VWA2: variants seen among roughly 807,000 people sequenced by gnomAD.
VWA2 encodes the protein von Willebrand factor A domain-containing protein 2.
VWA2 carries 73 observed loss-of-function variants against 70.4 expected under a neutral mutation model. That is an observed-to-expected ratio of 1.04 (90% CI 0.86 to 1.26). The LOEUF (loss-of-function observed/expected upper bound fraction) is 1.26, where lower values mean the gene tolerates loss of function less well. VWA2 is among the 50% of genes most tolerant of loss of function. The probability of loss-of-function intolerance (pLI) is 0.00; values close to 1 mark genes in which losing one functional copy is unlikely to be tolerated. For synonymous variants in VWA2, 407 were observed against 423.3 expected, an observed-to-expected ratio of 0.96 and a Z score of 0.47; for missense variants, 1,011 against 998.5, an observed-to-expected ratio of 1.01 and a Z score of -0.17.
At chr10:114,283,775 C>T (rs1345935056) in intron 9 of VWA2, among the ~76,000 whole-genome samples, 2 of 152,252 alleles carry the variant, frequency 1.3e-5, no homozygotes, top group African/African-American at 2.4e-5. Flanking sequence ...CCACTGTCGT[C>T]GATCTCAGTG....
At chr10:114,283,161 T>G (rs1423843575) in intron 9 of VWA2, among the ~76,000 whole-genome samples, 1 of 152,212 alleles carries the variant, frequency 6.6e-6, no homozygotes, top group Non-Finnish European at 1.5e-5. Flanking sequence ...AGCTTGAAAT[T>G]GCCCTTCAAT....
intron 1 of VWA2, among the ~76,000 whole-genome samples, chr10:114,242,043 C>T (rs561988173): frequency 5.2e-4 from 79 of 152,146 alleles, no homozygotes; most frequent in African/African-American, 1.8e-3. Context: ...TGTGACCTTT[C>T]GTCTTCTAAA....
intron 5 of VWA2, among the ~76,000 whole-genome samples, chr10:114,266,253 C>T (rs112765355): frequency 7.4e-4 from 112 of 151,904 alleles, no homozygotes; most frequent in African/African-American, 2.1e-3. Flanking sequence ...GCCGAGATCG[C>T]GCCACTGCAC....
intron 7 of VWA2, 43 bp downstream of exon 7, chr10:114,278,090 G>T: frequency 6.3e-7 from 1 of 1,585,566 alleles, no homozygotes; most frequent in Non-Finnish European, 8.6e-7. Context: ...GCCATGTGGG[G>T]TCGGGGAGGG....
intron 5 of VWA2, among the ~76,000 whole-genome samples, chr10:114,263,756 G>T (rs1284367104): frequency 6.6e-6 from 1 of 152,162 alleles, no homozygotes; most frequent in Non-Finnish European, 1.5e-5. Context: ...CACATTTAAT[G>T]TGTACAATTC....
At chr10:114,274,480 T>TTTG (rs200429824) in intron 6 of VWA2, among the ~76,000 whole-genome samples, 86 of 152,108 alleles carry the variant, frequency 5.7e-4, no homozygotes, top group African/African-American at 2.0e-3. Context: ...ATGTTTGTTG[T>TTTG]TTGTTGTTGT....
In VWA2 at chr10:114,290,324, G is replaced by C. The variant is rs1485055230; in HGVS notation, c.2207G>C (p.Cys736Ser). The C allele has an allele frequency of 4.5e-6, 7 of 1,550,616 alleles. No homozygotes were observed. The Admixed American group carries it at 5.9e-5, about 13-fold the overall frequency. ...GTCCTGCAGAATGGGAGCTACCGCT[G>C]CAAGTGTCGGGATGGCTGGGAGGGC... ...SCVLQNGSYR[C>S]KCRDGWEGPH... Residue 736 changes from cysteine to serine, a missense_variant, in exon 13 of 14, where the codon TGC becomes TCC. Coordinates refer to ENST00000392982, the MANE Select transcript of VWA2 (RefSeq NM_001272046.2).
At chr10:114,279,299 C>T (rs1488706247) in intron 8 of VWA2, among the ~76,000 whole-genome samples, 2 of 152,170 alleles carry the variant, frequency 1.3e-5, no homozygotes, top group African/African-American at 4.8e-5. Flanking sequence ...CCCAGGCACC[C>T]AAGAGCACCT....
chr10:114,256,000 A>G (rs1390198013), intron 4 of VWA2, among the ~76,000 whole-genome samples: 2 of 152,244 alleles, frequency 1.3e-5, no homozygotes, highest in Non-Finnish European at 2.9e-5. Flanking sequence ...TGGTGTTGTC[A>G]TACACTGCTG....
rs774220129 is a variant in VWA2, at chr10:114,254,919, G to A, written c.132G>A (p.Met44Ile). 4 of 1,613,306 alleles carry A rather than the reference G, an allele frequency of 2.5e-6. No individual in the cohort carries two copies. The highest frequency in any genetic ancestry group is 1.3e-5 in the African/African-American group (1 of 75,046). The change falls in exon 4 of 14, where the codon ATG becomes ATA. Residue 44 changes from methionine (M) to isoleucine (I), a missense_variant. Met to Ile is a conservative substitution (Grantham distance 10). Coordinates refer to ENST00000392982, the MANE Select transcript of VWA2 (RefSeq NM_001272046.2). ...TGTCTGTCCCGCTCTCCCTAGTGAT[G>A]TGGTGCTCGGCTGCAGTGGACATCA... is the stretch of plus-strand genomic sequence containing the variant. ...IGKISAASKM[M>I]WCSAAVDIMF...
At chr10:114,255,087 T>G in intron 4 of VWA2, 39 bp downstream of exon 4, 1 of 1,605,802 alleles carries the variant, frequency 6.2e-7, no homozygotes, top group Non-Finnish European at 8.5e-7. Flanking sequence ...TTAGGGCGTC[T>G]TCTGTGATAA....
rs541127928 is a variant in VWA2, at chr10:114,240,395, G to A, written c.-11+826G>A. Among the ~76,000 whole-genome samples, 3 of 152,318 alleles carry A rather than the reference G, an allele frequency of 2.0e-5. No individual in the cohort carries two copies. In the East Asian group the frequency reaches 5.8e-4, roughly 29 times the overall value. On this transcript the variant is annotated intron_variant, in intron 1 of 13. Coordinates refer to ENST00000392982, the MANE Select transcript of VWA2 (RefSeq NM_001272046.2). ...GCACCAGACAGAAGAGAAGGGAGGA[G>A]GGCACCTTGCTGCTTGTGATTGTGG...
At position 114,293,544 on chromosome 10, in the gene VWA2, C is replaced by T. The variant is rs1258741739; in HGVS notation, c.*2307C>T. On this transcript the variant is annotated 3_prime_UTR_variant, in exon 14 of 14. Coordinates refer to ENST00000392982, the MANE Select transcript of VWA2 (RefSeq NM_001272046.2). ...AATAGTTCAGCTTTTGTCAGTCCCCCAGGAAAGTGCTATCCTATGGCCTAA... is the reference window on the plus strand; with the variant it reads ...AATAGTTCAGCTTTTGTCAGTCCCCTAGGAAAGTGCTATCCTATGGCCTAA... Among the ~76,000 whole-genome samples, 3 of 152,202 alleles carry T rather than the reference C, an allele frequency of 2.0e-5. No homozygotes were observed. The highest frequency in any genetic ancestry group is 4.4e-5 in the Non-Finnish European group (3 of 68,038).
rs147841866 is a variant in VWA2, at chr10:114,271,879, G to T, written c.372-861G>T. Among the ~76,000 whole-genome samples the T allele has an allele frequency of 2.0e-5, 3 of 152,260 alleles. No homozygotes were observed. The East Asian group carries it at 5.8e-4, about 29-fold the overall frequency. On this transcript the variant is annotated intron_variant, in intron 5 of 13. Coordinates refer to ENST00000392982, the MANE Select transcript of VWA2 (RefSeq NM_001272046.2). The stretch of plus-strand genomic sequence containing the variant: ...GTAATTCCATCAGCCTCACATTGTT[G>T]ATCATGTTTGGATGGGCTACCATCC...
intron 2 of VWA2, among the ~76,000 whole-genome samples, chr10:114,249,026 C>G (rs1404736878): frequency 1.3e-5 from 2 of 152,014 alleles, no homozygotes; most frequent in Admixed American, 1.3e-4. Context: ...TTTTTAAGTT[C>G]CAGGGTACAT....
intron 8 of VWA2, 27 bp downstream of exon 8, chr10:114,278,878 C>G: frequency 6.2e-7 from 1 of 1,610,992 alleles, no homozygotes; most frequent in South Asian, 1.1e-5. Context: ...TGGGCTCGGC[C>G]TGGGTGGAGA....
chr10:114,248,076 C>A (rs1325466682), intron 1 of VWA2, among the ~76,000 whole-genome samples: 1 of 151,098 alleles, frequency 6.6e-6, no homozygotes, highest in Non-Finnish European at 1.5e-5. Context: ...CCACTGCATT[C>A]CAGCCTGGGC....
chr10:114,247,213 A>G (rs1055234413), intron 1 of VWA2, among the ~76,000 whole-genome samples: 5 of 151,800 alleles, frequency 3.3e-5, no homozygotes, highest in African/African-American at 9.7e-5. Flanking sequence ...AGATTTCTGT[A>G]CAGATTTGTA....
intron 4 of VWA2, among the ~76,000 whole-genome samples, chr10:114,255,721 C>T (rs914928942): frequency 1.3e-5 from 2 of 152,030 alleles, no homozygotes; most frequent in South Asian, 4.1e-4. Flanking sequence ...AATAGTAGGT[C>T]TTAAATATAG....
Sources: allele counts gnomAD v4.1 joint callset (sites outside exome capture counted in the v4.1 genomes callset), GRCh38; gene constraint gnomAD v4.1.1; transcripts MANE v1.5; gene names NCBI Gene and HGNC (gene_info 2026-07-23, HGNC 2026-07-21).